HPRT1: variants seen among roughly 807,000 people sequenced by gnomAD.
HPRT1 encodes hypoxanthine-guanine phosphoribosyltransferase.
HPRT1 carries 4 observed loss-of-function variants against 19.0 expected under a neutral mutation model. The observed-to-expected ratio is 0.21, with a 90% CI of 0.10 to 0.48. HPRT1 has a LOEUF of 0.48. Among genes scored for constraint, HPRT1 ranks in the 20% least tolerant of loss-of-function variants. HPRT1 has a pLI of 0.98. For synonymous variants in HPRT1, 53 were observed against 54.9 expected, an observed-to-expected ratio of 0.97 and a Z score of 0.15; for missense variants, 65 against 164.0, an observed-to-expected ratio of 0.40 and a Z score of 3.30.
intron 3 of HPRT1, among the ~76,000 whole-genome samples, chrX:134,479,737 C>T (rs182664914): frequency 1.2e-3 from 129 of 110,126 alleles, no homozygotes; most frequent in African/African-American, 4.2e-3. Context: ...TCCAGAGTAG[C>T]GGGGACCACA....
At chrX:134,463,418 C>T (rs2077589410) in intron 1 of HPRT1, among the ~76,000 whole-genome samples, 1 of 111,483 alleles carries the variant, frequency 9.0e-6, no homozygotes, top group Non-Finnish European at 1.9e-5. Flanking sequence ...ATTGGTAAAA[C>T]GGAGCACCTT....
intron 1 of HPRT1, among the ~76,000 whole-genome samples, chrX:134,462,728 T>A (rs1329621540): frequency 8.9e-6 from 1 of 112,375 alleles, no homozygotes; most frequent in Non-Finnish European, 1.9e-5. Context: ...AGATACTCAT[T>A]GTTTTTAGTT....
At chrX:134,461,653 A>G (rs770590913) in intron 1 of HPRT1, among the ~76,000 whole-genome samples, 8 of 112,079 alleles carry the variant, frequency 7.1e-5, no homozygotes, top group Non-Finnish European at 1.5e-4. Flanking sequence ...GGGGAACAGT[A>G]ATAATAGCCA....
At chrX:134,498,884 A>G (rs73560931) in intron 8 of HPRT1, among the ~76,000 whole-genome samples, 200 bp downstream of exon 8, 96 of 112,384 alleles carry the variant, frequency 8.5e-4, no homozygotes, top group African/African-American at 2.9e-3. Flanking sequence ...GTTGGCTGAA[A>G]TAGTTGAACA....
intron 6 of HPRT1, among the ~76,000 whole-genome samples, chrX:134,494,246 T>C (rs768490198): frequency 8.9e-6 from 1 of 112,360 alleles, no homozygotes; most frequent in Non-Finnish European, 1.9e-5. Flanking sequence ...GGCTCACAGT[T>C]TATGCTTTTG....
intron 3 of HPRT1, among the ~76,000 whole-genome samples, chrX:134,475,689 A>G (rs867427846): frequency 1.8e-5 from 2 of 112,041 alleles, no homozygotes; most frequent in African/African-American, 3.2e-5. Flanking sequence ...GTGGGGAGTC[A>G]AAAGTCCTTT....
At chrX:134,466,559 A>G (rs1028175149) in intron 1 of HPRT1, among the ~76,000 whole-genome samples, 5 of 111,834 alleles carry the variant, frequency 4.5e-5, no homozygotes, top group African/African-American at 9.7e-5. Flanking sequence ...TGGACTTCCC[A>G]GCCTCCAAAA....
chrX:134,498,350 GTC>G (rs1309544226), intron 6 of HPRT1, 38 bp from the exon 7 acceptor site: 3 of 1,068,469 alleles, frequency 2.8e-6, no homozygotes, highest in African/African-American at 3.7e-5. Flanking sequence ...ATGCCCTGTA[GTC>G]TCTCTGTATG....
At position 134,493,561 on chromosome X, in the gene HPRT1, G is replaced by C; in HGVS notation, c.456G>C (p.Gln152His). 2 of 1,205,361 alleles carry C rather than the reference G, an allele frequency of 1.7e-6. No homozygotes were observed. The highest frequency in any genetic ancestry group is 2.2e-6 in the Non-Finnish European group (2 of 889,619). Reference protein sequence around the residue: ...TMQTLLSLVRQYNPKMVKVAS... With the variant: ...TMQTLLSLVRHYNPKMVKVAS... Reference sequence around the variant, plus strand: ...AGACTTTGCTTTCCTTGGTCAGGCAGTATAATCCAAAGATGGTCAAGGTCG... The same window carrying C: ...AGACTTTGCTTTCCTTGGTCAGGCACTATAATCCAAAGATGGTCAAGGTCG... Residue 152 changes from glutamine (Q) to histidine (H), a missense_variant, in exon 6 of 9, where the codon CAG becomes CAC. Coordinates refer to ENST00000298556, the MANE Select transcript of HPRT1 (RefSeq NM_000194.3).
rs775260163 is a variant in HPRT1, at chrX:134,498,379, G to A, written c.486-11G>A. On this transcript the variant is annotated splice_polypyrimidine_tract_variant and intron_variant, in intron 6 of 8. Transcript: ENST00000298556. ...CTCTGTATGTTATATGTCACATTTT[G>A]TAATTAACAGCTTGCTGGTGAAAAG... is the stretch of plus-strand genomic sequence containing the variant. The A allele has an allele frequency of 3.6e-4, 429 of 1,185,441 alleles. No individual in the cohort carries two copies. Among genetic ancestry groups the A allele is most frequent in the Middle Eastern group, 3.0e-3 (13 of 4,302 alleles).
At chrX:134,462,354 GTA>G (rs1382514272) in intron 1 of HPRT1, among the ~76,000 whole-genome samples, 1 of 110,220 alleles carries the variant, frequency 9.1e-6, no homozygotes, top group Non-Finnish European at 1.9e-5. Flanking sequence ...CTAATTTTTT[GTA>G]TTTTTAATAG....
chrX:134,492,149 G>A (rs1229992872), intron 5 of HPRT1, among the ~76,000 whole-genome samples: 5 of 102,481 alleles, frequency 4.9e-5, no homozygotes, highest in East Asian at 6.1e-4. Context: ...CCTCGGCCTC[G>A]CAAAGTGCTG....
chrX:134,475,124 T>C (rs1602741039), intron 2 of HPRT1, 57 bp from the exon 3 acceptor site: 4 of 940,780 alleles, frequency 4.3e-6, no homozygotes, highest in Non-Finnish European at 3.1e-6. Context: ...AAGAGGTGTT[T>C]GTTATAAAGT....
chrX:134,473,783 C>T (rs2077616553), intron 2 of HPRT1, among the ~76,000 whole-genome samples: 1 of 111,761 alleles, frequency 8.9e-6, no homozygotes, highest in South Asian at 3.7e-4. Flanking sequence ...CACATGAAGG[C>T]AAGGTCAGAT....
At chrX:134,491,051 TTATATATA>T (rs1240803675) in intron 5 of HPRT1, among the ~76,000 whole-genome samples, 1 of 104,064 alleles carries the variant, frequency 9.6e-6, no homozygotes, top group Non-Finnish European at 2.0e-5. Context: ...CAGCCTCTCT[TTATATATA>T]TATAATCTAT....
Position 134,473,345 on chromosome X carries a change from T to C in HPRT1, c.28-14T>C. On this transcript the variant is annotated splice_polypyrimidine_tract_variant and intron_variant, in intron 1 of 8. Coordinates refer to ENST00000298556, the MANE Select transcript of HPRT1 (RefSeq NM_000194.3). Reference sequence around the variant, plus strand: ...TGTAATGCTCTCATTGAAACAGCTATATTTCTTTTTCAGATTAGTGATGAT... The same window carrying C: ...TGTAATGCTCTCATTGAAACAGCTACATTTCTTTTTCAGATTAGTGATGAT... 1.1e-6 allele frequency: 1 copy of C among 948,951 alleles called. No individual in the cohort carries two copies. The highest frequency in any genetic ancestry group is 1.9e-5 in the South Asian group (1 of 51,681). The allele number at this position is 948,951 out of a possible 1,213,427, so 78.2% of individuals were successfully genotyped here. A position where few individuals can be genotyped will look rare whatever the true frequency, so the allele number is the denominator to read the frequency against.
intron 1 of HPRT1, among the ~76,000 whole-genome samples, chrX:134,462,014 A>G (rs1489113044): frequency 1.8e-5 from 2 of 110,959 alleles, no homozygotes; most frequent in African/African-American, 6.6e-5. Flanking sequence ...TCTGTCACCT[A>G]GGATGGAGTG....
chrX:134,477,702 C>G (rs1042278766), intron 3 of HPRT1, among the ~76,000 whole-genome samples: 2 of 111,438 alleles, frequency 1.8e-5, no homozygotes, highest in African/African-American at 6.5e-5. Flanking sequence ...AAGACAAGGT[C>G]TCATTCTGTC....
chrX:134,461,463 T>A (rs1318150947), intron 1 of HPRT1, among the ~76,000 whole-genome samples: 1 of 112,125 alleles, frequency 8.9e-6, no homozygotes, highest in Non-Finnish European at 1.9e-5. Flanking sequence ...ATTAACGGAG[T>A]CTAACTGGGA....
Sources: allele counts gnomAD v4.1 joint callset (sites outside exome capture counted in the v4.1 genomes callset), GRCh38; gene constraint gnomAD v4.1.1; transcripts MANE v1.5; gene names NCBI Gene and HGNC (gene_info 2026-07-23, HGNC 2026-07-21).